Variants in GALNT8 observed in about 807,000 individuals in gnomAD.
GALNT8 encodes the protein probable polypeptide N-acetylgalactosaminyltransferase 8.
GALNT8 carries 66 observed loss-of-function variants against 62.7 expected under a neutral mutation model. The ratio of observed to expected loss-of-function variants is 1.05; its 90% CI spans 0.86 to 1.29. The LOEUF (loss-of-function observed/expected upper bound fraction) is 1.29, where lower values mean the gene tolerates loss of function less well. GALNT8 is among the 50% of genes most tolerant of loss of function. GALNT8 has a pLI of 0.00. For missense variants in GALNT8, 771 were observed against 791.8 expected (o/e 0.97, Z 0.32); for synonymous variants, 288 against 294.3 (o/e 0.98, Z 0.22).
intron 7 of GALNT8, among the ~76,000 whole-genome samples, chr12:4,762,660 T>G (rs372871770): frequency 4.3e-4 from 65 of 152,252 alleles, no homozygotes; most frequent in African/African-American, 1.4e-3. Context: ...TTTCTAGGGT[T>G]TAAGGTTTTT....
At position 4,763,235 on chromosome 12, in the gene GALNT8, T is replaced by C; in HGVS notation, c.1360-18T>C. ...TTCATGAATCAAAGCACAGAAACAC[T>C]TGGCGTTTTATTTACAGAACTCTGG... On this transcript the variant is annotated intron_variant, in intron 7 of 10. Coordinates refer to ENST00000252318, the MANE Select transcript of GALNT8 (RefSeq NM_017417.2). 1 of 1,608,142 alleles carries C rather than the reference T, an allele frequency of 6.2e-7. No homozygotes were observed. The highest frequency in any genetic ancestry group is 1.1e-5 in the South Asian group (1 of 90,844).
chr12:4,764,509 T>C (rs948942442), intron 9 of GALNT8, among the ~76,000 whole-genome samples: 1 of 147,372 alleles, frequency 6.8e-6, no homozygotes, highest in African/African-American at 2.5e-5. Flanking sequence ...CCTGGCACCA[T>C]GTGGAAGGTG....
rs764006932 is a variant in GALNT8, at chr12:4,746,220, C to T, written c.1135C>T (p.Leu379Phe). 10 of 1,611,552 alleles carry T rather than the reference C, an allele frequency of 6.2e-6. No homozygotes were observed. In the African/African-American group the frequency reaches 1.2e-4, roughly 19 times the overall value. Residue 379 changes from leucine to phenylalanine, a missense_variant, in exon 6 of 11, where the codon CTC becomes TTC. Leu to Phe is a conservative substitution (Grantham distance 22). Transcript: ENST00000252318. ...GEIGSLDGGM[L>F]IYGGENVELS... is the part of the protein sequence containing the mutation. ...GATCGGGTCTCTGGATGGTGGAATG[C>T]TCATCTATGGAGGAGAGAACGTGGA...
Position 4,744,499 on chromosome 12 carries a change from T to G in GALNT8, c.677-18T>G. The G allele has an allele frequency of 6.4e-7, 1 of 1,567,600 alleles. No individual in the cohort carries two copies. ...TTGTTGCACTCAGAATTTCTATAGG[T>G]GTGCACTTGATTGACAGGAGAACTA... On this transcript the variant is annotated intron_variant, in intron 3 of 10. Transcript: ENST00000252318.
At chr12:4,765,276 C>T in intron 9 of GALNT8, 103 bp from the exon 10 acceptor site, 2 of 1,118,204 alleles carry the variant, frequency 1.8e-6, no homozygotes, top group African/African-American at 1.6e-5. Flanking sequence ...TGTCTAGGGG[C>T]CCCAAGATCA....
chr12:4,735,758 C>A lies in GALNT8; in HGVS notation c.510-3405C>A, dbSNP rs79667026. On this transcript the variant is annotated intron_variant, in intron 2 of 10. Transcript: ENST00000252318. ...CAGGGGGCTGCCACCTCCTTCCCCC[C>A]AGCCCACGTCTACCTGTAGAGCAGG... is the stretch of plus-strand genomic sequence containing the variant. Among the ~76,000 whole-genome samples, 11 of 152,294 alleles carry A rather than the reference C, an allele frequency of 7.2e-5. No homozygotes were observed. The East Asian group carries it at 2.1e-3, about 29-fold the overall frequency.
At chr12:4,729,706 C>G (rs1211547918) in intron 2 of GALNT8, among the ~76,000 whole-genome samples, 1 of 152,080 alleles carries the variant, frequency 6.6e-6, no homozygotes, top group South Asian at 2.1e-4. Context: ...AGTGCAGTCT[C>G]TCTTCAATAT....
Position 4,726,894 on chromosome 12 carries a change from A to G in GALNT8, c.509+65A>G. ...TGATTTGAGGATGAGCTTTGGGAGC[A>G]GTGAACATTGAAGGCTGGGGGAGTG... On this transcript the variant is annotated intron_variant, in intron 2 of 10. Coordinates refer to ENST00000252318, the MANE Select transcript of GALNT8 (RefSeq NM_017417.2). This position sits in a 1 kb window ranked among gnomAD's most constrained non-coding sequence, Gnocchi z 4.1. 7.2e-7 allele frequency: 1 copy of G among 1,391,472 alleles called. No individual in the cohort carries two copies. Among genetic ancestry groups the G allele is most frequent in the South Asian group, 1.3e-5 (1 of 75,034 alleles). 86.2% of individuals were successfully genotyped at this position (1,391,472 alleles called of 1,614,324 possible).
Position 4,749,456 on chromosome 12 carries a change from T to C in GALNT8, c.1173+3198T>C, listed in dbSNP as rs529042299. Among the ~76,000 whole-genome samples, 55 of 152,346 alleles carry C rather than the reference T, an allele frequency of 3.6e-4. No homozygotes were observed. Among genetic ancestry groups the C allele is most frequent in the African/African-American group, 1.2e-3 (51 of 41,582 alleles). On this transcript the variant is annotated intron_variant, in intron 6 of 10. Coordinates refer to ENST00000252318, the MANE Select transcript of GALNT8 (RefSeq NM_017417.2). This position sits in a 1 kb window ranked among gnomAD's most constrained non-coding sequence, Gnocchi z 4.1. ...CATCCTGTTAATATGATGTTTCACATTGATTGATCTGCATATGTTGAACAA... is the reference window on the plus strand; with the variant it reads ...CATCCTGTTAATATGATGTTTCACACTGATTGATCTGCATATGTTGAACAA...
chr12:4,725,651 G>T (rs561867104), intron 1 of GALNT8, among the ~76,000 whole-genome samples: 1 of 151,504 alleles, frequency 6.6e-6, no homozygotes, highest in East Asian at 1.9e-4. Context: ...CACCTCCCGG[G>T]TTCAAGCAAT....
At chr12:4,765,289 CT>C in intron 9 of GALNT8, 89 bp from the exon 10 acceptor site, 1 of 1,272,412 alleles carries the variant, frequency 7.9e-7, no homozygotes, top group Non-Finnish European at 1.1e-6. Context: ...CAAGATCATT[CT>C]TCCTGCTGTC....
Position 4,745,580 on chromosome 12 carries a change from C to T in GALNT8, c.1012C>T (p.Leu338=). ...NWELWCRYDA[L]PQAWIDLHDV... ...GGAACTCTGGTGCCGCTACGATGCA[C>T]TGCCACAAGCCTGGATTGATCTGCA... Residue 338 remains leucine (L), a synonymous_variant, in exon 5 of 11, where the codon CTG becomes TTG. Transcript: ENST00000252318. 1.2e-6 allele frequency: 2 copies of T among 1,614,040 alleles called. No homozygotes were observed. Among genetic ancestry groups the T allele is most frequent in the Non-Finnish European group, 1.7e-6 (2 of 1,179,916 alleles).
intron 3 of GALNT8, among the ~76,000 whole-genome samples, chr12:4,740,322 T>C (rs1946266481): frequency 6.6e-6 from 1 of 152,210 alleles, no homozygotes; most frequent in Admixed American, 6.5e-5. Flanking sequence ...ACACAAAATA[T>C]GGATGTTGAT....
intron 9 of GALNT8, 102 bp from the exon 10 acceptor site, chr12:4,765,277 C>T: frequency 8.6e-7 from 1 of 1,162,298 alleles, no homozygotes; most frequent in South Asian, 1.7e-5. Context: ...GTCTAGGGGC[C>T]CCAAGATCAT....
At chr12:4,734,662 A>G (rs1053229051) in intron 2 of GALNT8, among the ~76,000 whole-genome samples, 4 of 151,978 alleles carry the variant, frequency 2.6e-5, no homozygotes, top group African/African-American at 9.7e-5. Flanking sequence ...GGCAGCCTGA[A>G]TGGTTTCTTT....
At position 4,745,600 on chromosome 12, in the gene GALNT8, T is replaced by C; in HGVS notation, c.1032T>C (p.Asp344=). 3 of 1,614,010 alleles carry C rather than the reference T, an allele frequency of 1.9e-6. No homozygotes were observed. Among genetic ancestry groups the C allele is most frequent in the Non-Finnish European group, 2.5e-6 (3 of 1,179,892 alleles). The change falls in exon 5 of 11, where the codon GAT becomes GAC. Residue 344 remains aspartate, a synonymous_variant. Coordinates refer to ENST00000252318, the MANE Select transcript of GALNT8 (RefSeq NM_017417.2). ...RYDALPQAWI[D]LHDVTAPVKS... is the part of the protein sequence containing the mutation. The stretch of plus-strand genomic sequence containing the variant: ...ATGCACTGCCACAAGCCTGGATTGA[T>C]CTGCATGATGTCACTGCCCCAGTGA...
In GALNT8 at chr12:4,770,650, A is replaced by T. The variant is rs116017058; in HGVS notation, c.1762-1795A>T. Among the ~76,000 whole-genome samples, 603 of 152,226 alleles carry T rather than the reference A, an allele frequency of 4.0e-3. 5 individuals are homozygous for T. Among genetic ancestry groups the T allele is most frequent in the African/African-American group, 0.014 (583 of 41,536 alleles). ...GAAGTGTGATCACTAGCTCCATCTC[A>T]CCCATGAAGTAACTGGGGCACTGAG... On this transcript the variant is annotated intron_variant, in intron 10 of 10. Coordinates refer to ENST00000252318, the MANE Select transcript of GALNT8 (RefSeq NM_017417.2).
rs978427843 is a variant in GALNT8, at chr12:4,726,210, C to T, written c.212-322C>T. 3.3e-5 allele frequency among the ~76,000 whole-genome samples: 5 copies of T among 152,050 alleles called. No homozygotes were observed. The highest frequency in any genetic ancestry group is 1.2e-4 in the African/African-American group (5 of 41,416). ...GATTGATTCTGATGTAAGTGGTTCTCAGGCCTCATTCTGAAAAACATTAGC... is the reference window on the plus strand; with the variant it reads ...GATTGATTCTGATGTAAGTGGTTCTTAGGCCTCATTCTGAAAAACATTAGC... On this transcript the variant is annotated intron_variant, in intron 1 of 10. Transcript: ENST00000252318. The surrounding 1 kb of genome is among the most constrained non-coding windows in gnomAD (Gnocchi z 4.1).
intron 6 of GALNT8, among the ~76,000 whole-genome samples, chr12:4,751,982 G>C (rs1946324064): frequency 6.6e-6 from 1 of 152,038 alleles, no homozygotes; most frequent in Non-Finnish European, 1.5e-5. Flanking sequence ...TGGCTAAATT[G>C]ACCCCTTTTT....
Sources: gnomAD v4.1 joint callset for allele counts (sites outside exome capture counted in the v4.1 genomes callset) on GRCh38, gnomAD v4.1.1 for gene constraint, Gnocchi (gnomAD v3.1) non-coding constraint, MANE v1.5 for transcripts, NCBI Gene and HGNC (gene_info 2026-07-23, HGNC 2026-07-21) for gene names.